FSIP1: variants seen among roughly 807,000 people sequenced by gnomAD.
The protein encoded by FSIP1 is fibrous sheath-interacting protein 1.
In FSIP1, 65 loss-of-function variants were observed where a neutral mutation model predicts 60.9. That is an observed-to-expected ratio of 1.07 (90% CI 0.87 to 1.31). The LOEUF (loss-of-function observed/expected upper bound fraction) is 1.31, where lower values mean the gene tolerates loss of function less well. Among genes scored for constraint, FSIP1 ranks in the 40% most tolerant of loss-of-function variants. The probability of loss-of-function intolerance (pLI) is 0.00; values close to 1 mark genes in which losing one functional copy is unlikely to be tolerated. For synonymous variants in FSIP1, 209 were observed against 221.2 expected (o/e 0.94, Z 0.49); for missense variants, 675 against 665.5 (o/e 1.01, Z -0.16).
At chr15:39,664,323 T>G (rs1595588656) in intron 10 of FSIP1, among the ~76,000 whole-genome samples, 1 of 152,134 alleles carries the variant, frequency 6.6e-6, no homozygotes, top group Admixed American at 6.5e-5. Flanking sequence ...TCTGCTAAAA[T>G]TTTGGCTAAA....
intron 3 of FSIP1, among the ~76,000 whole-genome samples, chr15:39,767,546 A>G (rs1247642826): frequency 6.6e-6 from 1 of 152,176 alleles, no homozygotes; most frequent in Non-Finnish European, 1.5e-5. Context: ...TTTCATGCCC[A>G]AATGTTGCAT....
Position 39,763,819 on chromosome 15 carries a change from A to C in FSIP1, c.559+2T>G, listed in dbSNP as rs1421138403. On this transcript the variant is annotated splice_donor_variant, in intron 5 of 11. Coordinates refer to ENST00000350221, the MANE Select transcript of FSIP1 (RefSeq NM_152597.5). LOFTEE classifies it high-confidence loss of function. ...AGTTGAATGACATCTCCATCTACTCACCAACAGTTTCTTCAGAAACAGCAG... is the reference window on the plus strand; with the variant it reads ...AGTTGAATGACATCTCCATCTACTCCCCAACAGTTTCTTCAGAAACAGCAG... The C allele has an allele frequency of 6.8e-6, 10 of 1,474,806 alleles. No homozygotes were observed. The highest frequency in any genetic ancestry group is 9.5e-6 in the Non-Finnish European group (10 of 1,055,814). 91.4% of individuals were successfully genotyped at this position (1,474,806 alleles called of 1,614,324 possible).
intron 10 of FSIP1, among the ~76,000 whole-genome samples, chr15:39,693,124 T>C (rs1000407991): frequency 1.3e-5 from 2 of 152,276 alleles, no homozygotes; most frequent in African/African-American, 2.4e-5. Flanking sequence ...TATCTCCTTT[T>C]GAAGCCATAA....
intron 11 of FSIP1, among the ~76,000 whole-genome samples, chr15:39,616,031 T>C (rs1247406751): frequency 6.6e-6 from 1 of 152,194 alleles, no homozygotes; most frequent in Non-Finnish European, 1.5e-5. Context: ...ATTGTATACA[T>C]ACATCAAATC....
chr15:39,610,669 A>C (rs1890997125), intron 11 of FSIP1, among the ~76,000 whole-genome samples: 1 of 152,226 alleles, frequency 6.6e-6, no homozygotes, highest in African/African-American at 2.4e-5. Context: ...CTGCCTTAAA[A>C]TAAAATTAAA....
intron 10 of FSIP1, among the ~76,000 whole-genome samples, chr15:39,629,824 A>C (rs2140400674): frequency 6.6e-6 from 1 of 152,352 alleles, no homozygotes; most frequent in East Asian, 1.9e-4. Context: ...TATTTGAAAG[A>C]TATCACTTTG....
At chr15:39,614,214 A>G (rs1293451582) in intron 11 of FSIP1, among the ~76,000 whole-genome samples, 1 of 152,202 alleles carries the variant, frequency 6.6e-6, no homozygotes, top group East Asian at 1.9e-4. Flanking sequence ...GAAGTGACAA[A>G]AAAAAATCAG....
At chr15:39,603,382 G>A (rs1409030955) in intron 11 of FSIP1, among the ~76,000 whole-genome samples, 2 of 152,168 alleles carry the variant, frequency 1.3e-5, no homozygotes, top group Non-Finnish European at 2.9e-5. Flanking sequence ...ATGGAACCAA[G>A]CTGCTAATCT....
intron 2 of FSIP1, among the ~76,000 whole-genome samples, chr15:39,771,071 C>A (rs936755029): frequency 6.6e-6 from 1 of 152,178 alleles, no homozygotes; most frequent in Non-Finnish European, 1.5e-5. Context: ...TTATTTATTT[C>A]TATGTTATTC....
intron 10 of FSIP1, among the ~76,000 whole-genome samples, chr15:39,677,530 C>A (rs1352409240): frequency 6.6e-6 from 1 of 152,012 alleles, no homozygotes. Flanking sequence ...TATTTTCACA[C>A]CCCTTTAAAC....
At chr15:39,708,096 A>G (rs1057501677) in intron 10 of FSIP1, among the ~76,000 whole-genome samples, 2 of 152,194 alleles carry the variant, frequency 1.3e-5, no homozygotes, top group African/African-American at 2.4e-5. Context: ...TCATTCTAAC[A>G]TCTCAGATTG....
chr15:39,673,718 G>A (rs1893812532), intron 10 of FSIP1, among the ~76,000 whole-genome samples: 1 of 151,920 alleles, frequency 6.6e-6, no homozygotes, highest in African/African-American at 2.4e-5. Flanking sequence ...TAGATAATAC[G>A]ATACACCCTC....
intron 10 of FSIP1, among the ~76,000 whole-genome samples, chr15:39,708,638 T>C (rs1407347652): frequency 1.3e-5 from 2 of 152,186 alleles, no homozygotes; most frequent in Non-Finnish European, 2.9e-5. Flanking sequence ...TTTGCTGGGC[T>C]AAATAAATAC....
intron 10 of FSIP1, among the ~76,000 whole-genome samples, chr15:39,674,921 GA>G (rs1566880125): frequency 6.6e-6 from 1 of 151,996 alleles, no homozygotes. Flanking sequence ...ACTGGGAGAG[GA>G]TAGCTCCCAT....
Position 39,763,931 on chromosome 15 carries a change from TA to T in FSIP1, c.466-18del. ...TTTTGCAGACTAATGAAAGGAAAAT[TA>T]AAATTTAAACATGGGAAAAGAAGGC... On this transcript the variant is annotated intron_variant, in intron 4 of 11. Coordinates refer to ENST00000350221, the MANE Select transcript of FSIP1 (RefSeq NM_152597.5). The T allele has an allele frequency of 7.3e-7, 1 of 1,364,522 alleles. No homozygotes were observed. Among genetic ancestry groups the T allele is most frequent in the Non-Finnish European group, 1.0e-6 (1 of 965,684 alleles). The allele number at this position is 1,364,522 out of a possible 1,614,324, so 84.5% of individuals were successfully genotyped here. A position where few individuals can be genotyped will look rare whatever the true frequency, so the allele number is the denominator to read the frequency against.
chr15:39,772,273 C>T (rs1013208811), intron 2 of FSIP1, among the ~76,000 whole-genome samples: 2 of 152,140 alleles, frequency 1.3e-5, no homozygotes, highest in Non-Finnish European at 2.9e-5. Flanking sequence ...TCATTCTTAA[C>T]ATCACATCCC....
chr15:39,615,672 G>A (rs1423631607), intron 11 of FSIP1, among the ~76,000 whole-genome samples: 1 of 150,342 alleles, frequency 6.7e-6, no homozygotes, highest in Non-Finnish European at 1.5e-5. Context: ...CAGATCAAGA[G>A]GTGAGATCAA....
chr15:39,701,295 A>G (rs150053722), intron 10 of FSIP1, among the ~76,000 whole-genome samples: 5 of 152,360 alleles, frequency 3.3e-5, no homozygotes, highest in African/African-American at 9.6e-5. Context: ...AAGAAGGGCA[A>G]TAAGAAGGGC....
At chr15:39,648,022 G>A (rs1392052797) in intron 10 of FSIP1, among the ~76,000 whole-genome samples, 2 of 151,344 alleles carry the variant, frequency 1.3e-5, no homozygotes, top group Admixed American at 6.6e-5. Context: ...CTGTGGTGGG[G>A]TGGGGGGAGC....
Sources: gnomAD v4.1 joint callset for allele counts (sites outside exome capture counted in the v4.1 genomes callset) on GRCh38, gnomAD v4.1.1 for gene constraint, MANE v1.5 for transcripts, NCBI Gene and HGNC (gene_info 2026-07-23, HGNC 2026-07-21) for gene names.